The following PGAP2 variants were observed in gnomAD, a reference collection of about 807,000 sequenced individuals.
PGAP2 encodes acyltransferase PGAP2.
A neutral mutation model predicts 33.2 loss-of-function variants in PGAP2; 21 were observed. The observed-to-expected ratio is 0.63, with a 90% CI of 0.45 to 0.91. The LOEUF is 0.91. PGAP2 is among the 40% of genes least tolerant of loss of function. The pLI, the probability that PGAP2 is intolerant of heterozygous loss-of-function variation, is 0.00. For missense variants in PGAP2, 345 were observed against 424.0 expected, an observed-to-expected ratio of 0.81 and a Z score of 1.64; for synonymous variants, 161 against 172.9, an observed-to-expected ratio of 0.93 and a Z score of 0.54.
At chr11:3,817,956 G>A (rs573430018) in intron 3 of PGAP2, 19 of 423,682 alleles carry the variant, frequency 4.5e-5, no homozygotes, top group African/African-American at 3.8e-4. Context: ...TAAGGCAGGA[G>A]AATTGCTTGA....
chr11:3,798,398 C>A (rs1463418444), intron 1 of PGAP2, among the ~76,000 whole-genome samples: 1 of 152,136 alleles, frequency 6.6e-6, no homozygotes, highest in Non-Finnish European at 1.5e-5. Context: ...GGCGCAATCT[C>A]GGCTCACTGC....
At chr11:3,817,230 C>G in intron 2 of PGAP2, 123 bp from the exon 3 acceptor site, 1 of 752,908 alleles carries the variant, frequency 1.3e-6, no homozygotes, top group East Asian at 2.4e-5. Context: ...CCCCTTATGC[C>G]TTTTCTACCC....
In PGAP2 at chr11:3,817,356, A is replaced by C; in HGVS notation, c.169A>C (p.Thr57Pro). Reference sequence around the variant, plus strand: ...TTGTATCCCTCGTGCTGCTTAGGCCACGCCCTGCAGGATGTTCTCTGCGGC... The same window carrying C: ...TTGTATCCCTCGTGCTGCTTAGGCCCCGCCCTGCAGGATGTTCTCTGCGGC... ...KETTATHCGA[T>P]PCRMFSAASQ... Residue 57 changes from threonine to proline, a missense_variant, in exon 3 of 7, where the codon ACG becomes CCG. By Grantham distance (38) the Thr-to-Pro change is conservative. Around this residue, in one of 2 missense-constraint regions of PGAP2, gnomAD observed 311 missense variants for 353.6 expected, o/e 0.88. Coordinates refer to ENST00000278243, the MANE Select transcript of PGAP2 (RefSeq NM_014489.4). 1 of 1,612,152 alleles carries C rather than the reference A, an allele frequency of 6.2e-7. No individual in the cohort carries two copies. The highest frequency in any genetic ancestry group is 1.1e-5 in the South Asian group (1 of 90,874).
chr11:3,812,468 T>C (rs1777036333), intron 2 of PGAP2, among the ~76,000 whole-genome samples: 1 of 152,192 alleles, frequency 6.6e-6, no homozygotes, highest in South Asian at 2.1e-4. Flanking sequence ...GTCCTGCTCC[T>C]TCCCAGGGCT....
upstream of PGAP2, among the ~76,000 whole-genome samples, chr11:3,804,632 C>T (rs1175551614): frequency 6.6e-6 from 1 of 152,132 alleles, no homozygotes; most frequent in Non-Finnish European, 1.5e-5. Flanking sequence ...CTTCAAAACC[C>T]AGTTCCATTA....
At position 3,824,389 on chromosome 11, in the gene PGAP2, C is replaced by A; in HGVS notation, c.708+13C>A. The stretch of plus-strand genomic sequence containing the variant: ...AGTAAGTCAGGAGGTACGGTCTATC[C>A]CTAGCGGGGGCTCCAAGGCAGCCCA... On this transcript the variant is annotated intron_variant, in intron 5 of 6. Transcript: ENST00000278243. 1 of 1,614,188 alleles carries A rather than the reference C, an allele frequency of 6.2e-7. No individual in the cohort carries two copies. The highest frequency in any genetic ancestry group is 1.1e-5 in the South Asian group (1 of 91,088).
upstream of PGAP2, among the ~76,000 whole-genome samples, chr11:3,804,394 C>A (rs60708153): frequency 6.6e-6 from 1 of 152,020 alleles, no homozygotes; most frequent in Non-Finnish European, 1.5e-5. Flanking sequence ...GGAAGGATGT[C>A]TTGGTCATGA....
chr11:3,825,183 A>T, intron 6 of PGAP2, 55 bp downstream of exon 6: 2 of 1,586,092 alleles, frequency 1.3e-6, no homozygotes, highest in Non-Finnish European at 1.7e-6. Flanking sequence ...GGCAGCAATG[A>T]TGTTTTTGAT....
intron 3 of PGAP2, among the ~76,000 whole-genome samples, chr11:3,820,890 C>T (rs1277982842): frequency 6.6e-6 from 1 of 152,162 alleles, no homozygotes; most frequent in Non-Finnish European, 1.5e-5. Flanking sequence ...ACCCATTTTA[C>T]CAATGAGGAA....
rs895476399 is a variant in PGAP2, at chr11:3,815,741, G to C, written c.166-1612G>C. 9.9e-5 allele frequency among the ~76,000 whole-genome samples: 15 copies of C among 152,228 alleles called. No homozygotes were observed. The South Asian group carries it at 1.0e-3, about 11-fold the overall frequency. On this transcript the variant is annotated intron_variant, in intron 2 of 6. Transcript: ENST00000278243. ...TCTTATTCCTGGCTGTTAGACCTCT[G>C]TTGAGGCAGCCTGAGCTGCTATTAG...
chr11:3,817,965 G>A (rs1431524116), intron 3 of PGAP2: 19 of 412,308 alleles, frequency 4.6e-5, no homozygotes, highest in South Asian at 3.2e-4. Flanking sequence ...AGAATTGCTT[G>A]AGGCTGGGAG....
In PGAP2 at chr11:3,825,129, G is replaced by T; in HGVS notation, c.817+1G>T. 2 of 1,614,134 alleles carry T rather than the reference G, an allele frequency of 1.2e-6. No homozygotes were observed. The highest frequency in any genetic ancestry group is 1.7e-6 in the Non-Finnish European group (2 of 1,179,962). On this transcript the variant is annotated splice_donor_variant, in intron 6 of 6. Transcript: ENST00000278243. LOFTEE classifies it high-confidence loss of function. ...CACAACATGTATTGTGAGGCTGGAG[G>T]TGAGGCCAGGATAGGATCCACAGGC...
At chr11:3,801,503 G>A (rs553695916) in intron 1 of PGAP2, among the ~76,000 whole-genome samples, 3 of 151,746 alleles carry the variant, frequency 2.0e-5, no homozygotes, top group African/African-American at 7.2e-5. Flanking sequence ...TTAGCCGGGC[G>A]CGGTGGCAGG....
At chr11:3,797,763 C>T, upstream of PGAP2, 1 of 1,497,312 alleles carries the variant, frequency 6.7e-7, no homozygotes, top group Non-Finnish European at 9.0e-7. Context: ...GTGAGAGGGC[C>T]GTGGAGTCCC....
Position 3,811,575 on chromosome 11 carries a change from A to G in PGAP2, c.165+151A>G, listed in dbSNP as rs764502790. The G allele has an allele frequency of 7.1e-5, 52 of 733,604 alleles. No individual in the cohort carries two copies. Among genetic ancestry groups the G allele is most frequent in the Non-Finnish European group, 1.0e-4 (48 of 461,794 alleles). The allele number at this position is 733,604 out of a possible 1,614,324, so 45.4% of individuals were successfully genotyped here. Reference sequence around the variant, plus strand: ...GGGATGCCTGCAAATTGAAATCTCAAGGGTTAGTCTCCCTCTGCCTTCTGT... The same window carrying G: ...GGGATGCCTGCAAATTGAAATCTCAGGGGTTAGTCTCCCTCTGCCTTCTGT... On this transcript the variant is annotated intron_variant, in intron 2 of 6. Coordinates refer to ENST00000278243, the MANE Select transcript of PGAP2 (RefSeq NM_014489.4). The surrounding 1 kb of genome is among the most constrained non-coding windows in gnomAD (Gnocchi z 4.6).
upstream of PGAP2, among the ~76,000 whole-genome samples, chr11:3,804,773 C>T (rs1241978101): frequency 2.6e-5 from 4 of 152,166 alleles, no homozygotes; most frequent in Non-Finnish European, 4.4e-5. Context: ...GCAATGTTGG[C>T]TCACTGCAAC....
chr11:3,809,153 G>A (rs2134289231), intron 1 of PGAP2, among the ~76,000 whole-genome samples: 1 of 152,328 alleles, frequency 6.6e-6, no homozygotes, highest in Admixed American at 6.5e-5. Context: ...TAGGCACTCA[G>A]TAAATGTGGG....
At chr11:3,803,221 G>A (rs1277329923) in intron 1 of PGAP2, among the ~76,000 whole-genome samples, 5 of 151,958 alleles carry the variant, frequency 3.3e-5, no homozygotes, top group African/African-American at 7.2e-5. Flanking sequence ...TTGAACTCCT[G>A]ACCTCAGATG....
At chr11:3,803,258 G>T (rs1247562751) in intron 1 of PGAP2, among the ~76,000 whole-genome samples, 1 of 151,266 alleles carries the variant, frequency 6.6e-6, no homozygotes, top group South Asian at 2.1e-4. Context: ...CTCCCAAAGT[G>T]CTGGGATTAC....
Sources: gnomAD v4.1 joint callset for allele counts (sites outside exome capture counted in the v4.1 genomes callset) on GRCh38, gnomAD v4.1.1 for gene constraint, gnomAD v4.1.1 regional missense constraint, Gnocchi (gnomAD v3.1) non-coding constraint, MANE v1.5 for transcripts, NCBI Gene and HGNC (gene_info 2026-07-23, HGNC 2026-07-21) for gene names.